GRM7: variants seen among roughly 807,000 people sequenced by gnomAD.
GRM7 encodes the protein glutamate metabotropic receptor 7, also known as metabotropic glutamate receptor 7.
Under a neutral mutation model 84.5 loss-of-function variants are expected in GRM7, and 35 were observed. The ratio of observed to expected loss-of-function variants is 0.41; its 90% CI spans 0.32 to 0.55. The LOEUF is 0.55. GRM7 is among the 20% of genes least tolerant of loss of function. GRM7 has a pLI of 0.19. For missense variants in GRM7, 1,003 were observed against 1,194.6 expected, an observed-to-expected ratio of 0.84 and a Z score of 2.36; for synonymous variants, 487 against 455.1, an observed-to-expected ratio of 1.07 and a Z score of -0.89.
chr3:7,343,892 T>C (rs958635791), intron 4 of GRM7, among the ~76,000 whole-genome samples: 1 of 151,904 alleles, frequency 6.6e-6, no homozygotes, highest in African/African-American at 2.4e-5. Flanking sequence ...GCCCTTCAGC[T>C]AGCAATTCCT....
At chr3:6,938,097 ATTCAACTCCTT>A (rs1244144367) in intron 1 of GRM7, among the ~76,000 whole-genome samples, 1 of 152,210 alleles carries the variant, frequency 6.6e-6, no homozygotes, top group East Asian at 1.9e-4. Context: ...GAGCACCTTC[ATTCAACTCCTT>A]TAGGCCTTCA....
intron 4 of GRM7, among the ~76,000 whole-genome samples, chr3:7,352,057 C>CCACACACACACACACACACA (rs56873432): frequency 1.5e-5 from 2 of 136,894 alleles, no homozygotes; most frequent in Admixed American, 7.4e-5. Context: ...CACACACACA[C>CCACACACACACACACACACA]CACACACACA....
chr3:7,664,028 C>T (rs570707652), intron 8 of GRM7, among the ~76,000 whole-genome samples: 259 of 152,314 alleles, frequency 1.7e-3, no homozygotes, highest in Non-Finnish European at 2.4e-3. Flanking sequence ...GCCTGTGCTA[C>T]AGGGTTACAG....
At chr3:7,048,089 G>A (rs1340807787) in intron 1 of GRM7, among the ~76,000 whole-genome samples, 1 of 151,920 alleles carries the variant, frequency 6.6e-6, no homozygotes, top group African/African-American at 2.4e-5. Context: ...AGCACATTGA[G>A]TTTTTAGAAT....
chr3:7,265,908 A>G (rs1698618145), intron 2 of GRM7, among the ~76,000 whole-genome samples: 1 of 152,102 alleles, frequency 6.6e-6, no homozygotes, highest in East Asian at 1.9e-4. Context: ...GTGTCCTGGG[A>G]GGCCTGGTGG....
At chr3:7,356,200 G>A (rs544937182) in intron 4 of GRM7, among the ~76,000 whole-genome samples, 5 of 152,222 alleles carry the variant, frequency 3.3e-5, no homozygotes, top group South Asian at 4.1e-4. Flanking sequence ...AGGAAATTGG[G>A]AGAAGTATAT....
chr3:7,267,585 G>A (rs959552162), intron 2 of GRM7, among the ~76,000 whole-genome samples: 4 of 152,218 alleles, frequency 2.6e-5, no homozygotes, highest in African/African-American at 9.6e-5. Context: ...AGCCCGGAGT[G>A]CCAATCACTG....
intron 7 of GRM7, among the ~76,000 whole-genome samples, chr3:7,533,012 G>A (rs1451326539): frequency 6.6e-6 from 1 of 151,942 alleles, no homozygotes; most frequent in African/African-American, 2.4e-5. Context: ...CGTTCTTAGA[G>A]ACCAACAAAG....
chr3:7,239,494 G>A (rs745956861), intron 2 of GRM7, among the ~76,000 whole-genome samples: 15 of 152,052 alleles, frequency 9.9e-5, no homozygotes, highest in South Asian at 2.1e-4. Context: ...ATATAGCACC[G>A]TACCCAGCTG....
rs139974820 is a variant in GRM7 at position 6,892,127 on chromosome 3, C to T, written c.519+30220C>T. On this transcript the variant is annotated intron_variant, in intron 1 of 9. Coordinates refer to ENST00000357716, the MANE Select transcript of GRM7 (RefSeq NM_000844.4). ...CTCTGTATTGGTTATTCTAGTTATA[C>T]ATTCGTCTAAATTTTTTTCTCTTTA... 3.3e-4 allele frequency among the ~76,000 whole-genome samples: 50 copies of T among 152,292 alleles called. 1 individual carries two copies. Among genetic ancestry groups the T allele is most frequent in the Middle Eastern group, 3.4e-3 (1 of 294 alleles).
intron 1 of GRM7, among the ~76,000 whole-genome samples, chr3:6,899,364 A>T (rs1696306791): frequency 6.6e-6 from 1 of 152,210 alleles, no homozygotes; most frequent in African/African-American, 2.4e-5. Context: ...TCTGACAAAG[A>T]GCTGGGCATA....
At chr3:7,334,075 G>C (rs576748275) in intron 4 of GRM7, among the ~76,000 whole-genome samples, 1 of 152,140 alleles carries the variant, frequency 6.6e-6, no homozygotes, top group Admixed American at 6.6e-5. Context: ...TCTTGCTAGG[G>C]AGCTAGACAT....
chr3:7,267,390 G>A (rs550789546), intron 2 of GRM7, among the ~76,000 whole-genome samples: 1 of 152,306 alleles, frequency 6.6e-6, no homozygotes, highest in African/African-American at 2.4e-5. Flanking sequence ...TCTTGAAACT[G>A]TTGTTTTATT....
At position 7,312,243 on chromosome 3, in the gene GRM7, C is replaced by G. The variant is rs118035224; in HGVS notation, c.1033+5591C>G. ...CTTTGCCACAGATGTCTGAACAGCT[C>G]TGACACCACATGCGGTGTCTTGGCA... On this transcript the variant is annotated intron_variant, in intron 4 of 9. Transcript: ENST00000357716. 6.4e-4 allele frequency among the ~76,000 whole-genome samples: 97 copies of G among 152,270 alleles called. No individual in the cohort carries two copies. In the East Asian group the frequency reaches 0.018, roughly 28 times the overall value.
chr3:7,572,574 C>A, intron 7 of GRM7, among the ~76,000 whole-genome samples: 1 of 151,696 alleles, frequency 6.6e-6, no homozygotes, highest in East Asian at 2.0e-4. Context: ...AATCCCAGCG[C>A]TTTGGGAGGC....
chr3:6,950,708 T>C (rs1395538392), intron 1 of GRM7, among the ~76,000 whole-genome samples: 1 of 152,174 alleles, frequency 6.6e-6, no homozygotes, highest in Non-Finnish European at 1.5e-5. Flanking sequence ...CTCCACCCAG[T>C]TCAAGCTTCA....
chr3:7,424,653 C>G (rs1448996654), intron 5 of GRM7, among the ~76,000 whole-genome samples: 5 of 152,096 alleles, frequency 3.3e-5, no homozygotes, highest in Admixed American at 3.3e-4. Flanking sequence ...TACTCTGTCA[C>G]TCATTTAATT....
chr3:7,259,814 G>A (rs1215297973), intron 2 of GRM7, among the ~76,000 whole-genome samples: 1 of 152,048 alleles, frequency 6.6e-6, no homozygotes, highest in African/African-American at 2.4e-5. Context: ...CCCAGTAATG[G>A]GATTTCTGGA....
At chr3:7,428,560 ACTTG>A (rs2124843368) in intron 5 of GRM7, among the ~76,000 whole-genome samples, 1 of 152,254 alleles carries the variant, frequency 6.6e-6, no homozygotes, top group African/African-American at 2.4e-5. Flanking sequence ...TCATGATATC[ACTTG>A]GGTTGTGGTC....
Sources: gnomAD v4.1 joint callset for allele counts (sites outside exome capture counted in the v4.1 genomes callset) on GRCh38, gnomAD v4.1.1 for gene constraint, MANE v1.5 for transcripts, NCBI Gene and HGNC (gene_info 2026-07-23, HGNC 2026-07-21) for gene names.